Variants in XYLB observed in about 807,000 individuals in gnomAD.
XYLB encodes the protein xylulokinase, also known as xylulose kinase.
A neutral mutation model predicts 78.7 loss-of-function variants in XYLB; 62 were observed. That is an observed-to-expected ratio of 0.79 (90% CI 0.64 to 0.97). The LOEUF (loss-of-function observed/expected upper bound fraction) is 0.97, where lower values mean the gene tolerates loss of function less well. XYLB is among the 50% of genes least tolerant of loss of function. XYLB has a pLI of 0.00. For synonymous variants in XYLB, 245 were observed against 247.4 expected (o/e 0.99, Z 0.09); for missense variants, 687 against 676.8 (o/e 1.02, Z -0.17).
intron 1 of XYLB, 89 bp downstream of exon 1, chr3:38,347,014 A>C: frequency 1.6e-6 from 2 of 1,247,870 alleles, no homozygotes; most frequent in Non-Finnish European, 1.0e-6. Flanking sequence ...GCGGGAAAAC[A>C]TGGGCCCGGC....
chr3:38,396,299 A>T (rs1707865880), intron 16 of XYLB, among the ~76,000 whole-genome samples: 1 of 152,210 alleles, frequency 6.6e-6, no homozygotes. Context: ...TCTTGTCTGG[A>T]GTCTACTTCA....
intron 1 of XYLB, 61 bp downstream of exon 1, chr3:38,346,986 G>A (rs1705097187): frequency 2.9e-6 from 4 of 1,358,208 alleles, no homozygotes; most frequent in Admixed American, 3.4e-5. Context: ...GGGGTAGGGG[G>A]CGGGCTGTCA....
At chr3:38,426,232 C>T (rs1204203962), downstream of XYLB, among the ~76,000 whole-genome samples, 1 of 152,216 alleles carries the variant, frequency 6.6e-6, no homozygotes, top group Non-Finnish European at 1.5e-5. Flanking sequence ...AGACCAGAAA[C>T]TAGCTAATCA....
In XYLB at chr3:38,413,166, C is replaced by G; in HGVS notation, c.*153C>G. 1 of 620,712 alleles carries G rather than the reference C, an allele frequency of 1.6e-6. No homozygotes were observed. 38.5% of individuals were successfully genotyped at this position (620,712 alleles called of 1,614,324 possible). Reference sequence around the variant, plus strand: ...TCCAGGACCATCTTAAAGCCGCCCTCAGCACATCTGCATGAAGATAGATAG... The same window carrying G: ...TCCAGGACCATCTTAAAGCCGCCCTGAGCACATCTGCATGAAGATAGATAG... On this transcript the variant is annotated 3_prime_UTR_variant, in exon 19 of 19. Coordinates refer to ENST00000207870, the MANE Select transcript of XYLB (RefSeq NM_005108.4).
At chr3:38,431,830 A>G in the XYLB span, among the ~76,000 whole-genome samples, 1 of 152,224 alleles carries the variant, frequency 6.6e-6, no homozygotes, top group Non-Finnish European at 1.5e-5. Flanking sequence ...GAAGCCTCCT[A>G]TAATACCATC....
chr3:38,405,485 A>C (rs1313620907), intron 18 of XYLB, among the ~76,000 whole-genome samples: 1 of 151,720 alleles, frequency 6.6e-6, no homozygotes. Flanking sequence ...TGCATTTTCC[A>C]TCTGAGGTAC....
chr3:38,405,141 G>A (rs953735720), intron 18 of XYLB, among the ~76,000 whole-genome samples: 5 of 152,088 alleles, frequency 3.3e-5, no homozygotes, highest in African/African-American at 1.2e-4. Flanking sequence ...GCAGCACATT[G>A]TATATATAAT....
the XYLB span, among the ~76,000 whole-genome samples, chr3:38,449,404 A>C: frequency 2.0e-5 from 3 of 152,096 alleles, no homozygotes; most frequent in African/African-American, 7.2e-5. Flanking sequence ...TACAGGCGTG[A>C]GCCACCATGC....
At chr3:38,443,947 T>A in the XYLB span, among the ~76,000 whole-genome samples, 1 of 152,186 alleles carries the variant, frequency 6.6e-6, no homozygotes, top group East Asian at 1.9e-4. Flanking sequence ...TGAGTCTAGG[T>A]CCCAGTGGGG....
intron 2 of XYLB, among the ~76,000 whole-genome samples, chr3:38,358,332 TG>T (rs1201964995): frequency 5.9e-5 from 4 of 68,326 alleles, no homozygotes; most frequent in African/African-American, 1.1e-4. Flanking sequence ...TGTGTGTGTG[TG>T]TGTGTGTGTG....
Position 38,386,807 on chromosome 3 carries a change from T to C in XYLB, c.1291+7465T>C, listed in dbSNP as rs189796125. Among the ~76,000 whole-genome samples, 948 of 152,326 alleles carry C rather than the reference T, an allele frequency of 6.2e-3. 8 individuals carry two copies. The highest frequency in any genetic ancestry group is 0.022 in the African/African-American group (895 of 41,572). On this transcript the variant is annotated intron_variant, in intron 15 of 18. Coordinates refer to ENST00000207870, the MANE Select transcript of XYLB (RefSeq NM_005108.4). ...GGAAAGTCAGAGCTTCAGGAAGGAA[T>C]GTAGAACATCTATAAAAAGTGGATT...
chr3:38,406,536 GA>G (rs1388721918), intron 18 of XYLB, among the ~76,000 whole-genome samples: 1 of 152,232 alleles, frequency 6.6e-6, no homozygotes, highest in Non-Finnish European at 1.5e-5. Flanking sequence ...GCTGGATGGA[GA>G]ATGACTTTGA....
chr3:38,389,959 T>C (rs561790670), intron 15 of XYLB, among the ~76,000 whole-genome samples: 4 of 152,334 alleles, frequency 2.6e-5, no homozygotes, highest in Admixed American at 2.6e-4. Flanking sequence ...CTTCTTCATG[T>C]CTCCCATGCT....
intron 2 of XYLB, among the ~76,000 whole-genome samples, chr3:38,358,433 C>T (rs1705796929): frequency 6.7e-6 from 1 of 149,880 alleles, no homozygotes; most frequent in Admixed American, 6.7e-5. Flanking sequence ...CATCCTCCGC[C>T]TCCTGGGTTC....
chr3:38,410,113 A>T (rs2125676013), intron 18 of XYLB, among the ~76,000 whole-genome samples: 1 of 152,366 alleles, frequency 6.6e-6, no homozygotes, highest in East Asian at 1.9e-4. Context: ...TGGAGGCATC[A>T]TGCTACCTGA....
intron 8 of XYLB, among the ~76,000 whole-genome samples, chr3:38,368,856 A>T (rs113899069): frequency 6.6e-4 from 2 of 3,030 alleles, no homozygotes; most frequent in Non-Finnish European, 8.3e-3. Context: ...TCAGTAGGGG[A>T]CGATCATGGA....
At chr3:38,408,137 A>G (rs1437743185) in intron 18 of XYLB, among the ~76,000 whole-genome samples, 1 of 151,678 alleles carries the variant, frequency 6.6e-6, no homozygotes, top group Non-Finnish European at 1.5e-5. Context: ...CTTGGAAGTA[A>G]AGCTCTCCTC....
At chr3:38,380,326 A>G (rs1259168054) in intron 15 of XYLB, among the ~76,000 whole-genome samples, 2 of 152,228 alleles carry the variant, frequency 1.3e-5, no homozygotes, top group Non-Finnish European at 2.9e-5. Context: ...CTTGAGCTGT[A>G]GAATAATCAG....
At chr3:38,400,778 A>G in intron 17 of XYLB, 113 bp from the exon 18 acceptor site, 1 of 754,720 alleles carries the variant, frequency 1.3e-6, no homozygotes, top group Non-Finnish European at 2.2e-6. Flanking sequence ...TGCAACCATC[A>G]CTATAATCCA....
Sources: gnomAD v4.1 joint callset for allele counts (sites outside exome capture counted in the v4.1 genomes callset) on GRCh38, gnomAD v4.1.1 for gene constraint, MANE v1.5 for transcripts, NCBI Gene and HGNC (gene_info 2026-07-23, HGNC 2026-07-21) for gene names.